PKM: variants seen among roughly 807,000 people sequenced by gnomAD.
PKM encodes the protein pyruvate kinase PKM.
PKM carries 18 observed loss-of-function variants against 49.8 expected under a neutral mutation model. That is an observed-to-expected ratio of 0.36 (90% CI 0.25 to 0.54). The LOEUF (loss-of-function observed/expected upper bound fraction) is 0.54, where lower values mean the gene tolerates loss of function less well. Among genes scored for constraint, PKM ranks in the 20% least tolerant of loss-of-function variants. PKM has a pLI of 0.89. For synonymous variants in PKM, 239 were observed against 261.8 expected (o/e 0.91, Z 0.84); for missense variants, 508 against 713.8 (o/e 0.71, Z 3.28).
In PKM at chr15:72,222,926, C is replaced by T. The variant is rs2082563136; in HGVS notation, c.-13-3816G>A. Among the ~76,000 whole-genome samples, 5 of 152,020 alleles carry T rather than the reference C, an allele frequency of 3.3e-5. No homozygotes were observed. In the South Asian group the frequency reaches 1.0e-3, roughly 32 times the overall value. ...GCTCCTGGCTTTTTATATTAGTTTC[C>T]TTTGTGTCAGACACAATTTTTTGGC... On this transcript the variant is annotated intron_variant, in intron 1 of 10. Coordinates refer to ENST00000335181, the MANE Select transcript of PKM (RefSeq NM_002654.6).
chr15:72,206,246 G>A (rs1421974179), intron 8 of PKM: 3 of 176,034 alleles, frequency 1.7e-5, no homozygotes, highest in South Asian at 1.2e-4. Flanking sequence ...GGCCCCCTGC[G>A]GGAGCGCCTG....
At chr15:72,217,157 G>T (rs575679862) in intron 3 of PKM, among the ~76,000 whole-genome samples, 1 of 152,316 alleles carries the variant, frequency 6.6e-6, no homozygotes, top group South Asian at 2.1e-4. Context: ...TAAAAGCTAA[G>T]GGTAGGAGAG....
chr15:72,229,595 TCTTC>T, intron 1 of PKM: 1 of 1,286,706 alleles, frequency 7.8e-7, no homozygotes, highest in Non-Finnish European at 1.0e-6. Context: ...CTTTCCTGCA[TCTTC>T]TAATCCAGTG....
intron 5 of PKM, chr15:72,209,416 T>TAC (rs2082176925): frequency 2.7e-4 from 2 of 7,542 alleles, no homozygotes; most frequent in African/African-American, 5.0e-4. Context: ...TATATATATA[T>TAC]ATATATATAT....
At chr15:72,229,624 T>G in intron 1 of PKM, 1 of 1,270,074 alleles carries the variant, frequency 7.9e-7, no homozygotes. Flanking sequence ...TGCCACCTGG[T>G]GAGACCTTAC....
intron 6 of PKM, among the ~76,000 whole-genome samples, 177 bp from the exon 7 acceptor site, chr15:72,207,454 C>A (rs2082115091): frequency 6.6e-6 from 1 of 152,180 alleles, no homozygotes; most frequent in Non-Finnish European, 1.5e-5. Context: ...CTTAGGCCCC[C>A]AGAGTGGGCC....
At chr15:72,221,226 G>A (rs1340984865) in intron 1 of PKM, 2 of 1,535,456 alleles carry the variant, frequency 1.3e-6, no homozygotes, top group East Asian at 2.4e-5. Flanking sequence ...GGCTCAGGGT[G>A]GCTCCTTGGC....
intron 2 of PKM, among the ~76,000 whole-genome samples, chr15:72,218,046 C>A (rs1287086505): frequency 6.6e-6 from 1 of 152,150 alleles, no homozygotes; most frequent in African/African-American, 2.4e-5. Context: ...GGTTAGTTAA[C>A]ATATCCATGA....
At chr15:72,228,266 T>C (rs1037878293) in intron 1 of PKM, among the ~76,000 whole-genome samples, 8 of 151,994 alleles carry the variant, frequency 5.3e-5, no homozygotes, top group Non-Finnish European at 7.4e-5. Flanking sequence ...GGAATGAAGC[T>C]GCACAGACGG....
Position 72,208,638 on chromosome 15 carries a change from A to G in PKM, c.819T>C (p.Asn273=), listed in dbSNP as rs753348430. ...KNIKIISKIE[N]HEGVRRFDEI... is the part of the protein sequence containing the mutation. Reference sequence around the variant, plus strand: ...GGACTTGCCTCCGAACCCCCTCATGATTCTCGATTTTGCTGATAATCTTGA... The same window carrying G: ...GGACTTGCCTCCGAACCCCCTCATGGTTCTCGATTTTGCTGATAATCTTGA... The change falls in exon 6 of 11, where the codon AAT becomes AAC. Residue 273 remains asparagine, a synonymous_variant. Coordinates refer to ENST00000335181, the MANE Select transcript of PKM (RefSeq NM_002654.6). 2.7e-5 allele frequency: 43 copies of G among 1,613,950 alleles called. 2 individuals carry two copies. In the South Asian group the frequency reaches 4.3e-4, roughly 16 times the overall value.
chr15:72,215,318 C>T (rs1383237883), intron 3 of PKM, among the ~76,000 whole-genome samples: 2 of 152,102 alleles, frequency 1.3e-5, no homozygotes, highest in East Asian at 1.9e-4. Context: ...TAGTCAGAAA[C>T]TGGAAAAGTA....
At chr15:72,205,315 G>A (rs911649015) in intron 8 of PKM, among the ~76,000 whole-genome samples, 11 of 152,126 alleles carry the variant, frequency 7.2e-5, no homozygotes, top group African/African-American at 2.7e-4. Context: ...AGTAGAGACA[G>A]GGTTTCACCA....
At position 72,208,872 on chromosome 15, in the gene PKM, C is replaced by T. The variant is rs1446817833; in HGVS notation, c.585G>A (p.Thr195=). ...CCAAGGAGCCACCATTTTCCACCTC[C>T]GTCACCAGGAAGTCGGCACCTGTAT... ...VKQKGADFLV[T]EVENGGSLGS... is the part of the protein sequence containing the mutation. Residue 195 remains threonine (T), a synonymous_variant, in exon 6 of 11, where the codon ACG becomes ACA. Coordinates refer to ENST00000335181, the MANE Select transcript of PKM (RefSeq NM_002654.6). The T allele has an allele frequency of 4.3e-6, 7 of 1,614,020 alleles. No individual in the cohort carries two copies. The highest frequency in any genetic ancestry group is 2.2e-5 in the South Asian group (2 of 91,058).
chr15:72,231,035 G>C (rs757899148), intron 1 of PKM, 81 bp downstream of exon 1: 1 of 1,104,850 alleles, frequency 9.1e-7, no homozygotes, highest in Admixed American at 2.4e-5. Context: ...GCCCGGGGCC[G>C]GCCGGCGCGC....
chr15:72,207,175 C>T lies in PKM; in HGVS notation c.939G>A (p.Met313Ile). Reference protein sequence around the residue: ...AEKVFLAQKMMIGRCNRAGKP... With the variant: ...AEKVFLAQKMIIGRCNRAGKP... Reference sequence around the variant, plus strand: ...TCCCAGCTCGGTTGCACCGTCCAATCATCATCTTCTGAGCAAGGAAGACCT... The same window carrying T: ...TCCCAGCTCGGTTGCACCGTCCAATTATCATCTTCTGAGCAAGGAAGACCT... Residue 313 changes from methionine (M) to isoleucine (I), a missense_variant, in exon 7 of 11, where the codon ATG (methionine) becomes ATA (isoleucine). Coordinates refer to ENST00000335181, the MANE Select transcript of PKM (RefSeq NM_002654.6). The T allele has an allele frequency of 6.2e-7, 1 of 1,614,182 alleles. No individual in the cohort carries two copies. The highest frequency in any genetic ancestry group is 8.5e-7 in the Non-Finnish European group (1 of 1,180,034).
chr15:72,209,569 T>G, intron 5 of PKM, 104 bp downstream of exon 5: 1 of 918,144 alleles, frequency 1.1e-6, no homozygotes, highest in Non-Finnish European at 1.8e-6. Flanking sequence ...ACACACAGAC[T>G]CAATCTCACT....
intron 1 of PKM, among the ~76,000 whole-genome samples, chr15:72,222,000 C>T (rs1310232429): frequency 6.6e-6 from 1 of 150,654 alleles, no homozygotes; most frequent in African/African-American, 2.4e-5. Context: ...ATCCAGCAAA[C>T]TAGTTTGTTC....
chr15:72,209,076 C>T (rs2082163426), intron 5 of PKM, 185 bp from the exon 6 acceptor site: 1 of 650,748 alleles, frequency 1.5e-6, no homozygotes, highest in Admixed American at 2.4e-5. Flanking sequence ...CTCTCTGTAC[C>T]TCACTTTCCT....
intron 1 of PKM, chr15:72,230,886 G>A: frequency 7.8e-7 from 1 of 1,278,040 alleles, no homozygotes; most frequent in South Asian, 1.2e-5. Flanking sequence ...CGGGAAAGGA[G>A]CCGGCGGACC....
Sources: gnomAD v4.1 joint callset for allele counts (sites outside exome capture counted in the v4.1 genomes callset) on GRCh38, gnomAD v4.1.1 for gene constraint, MANE v1.5 for transcripts, NCBI Gene and HGNC (gene_info 2026-07-23, HGNC 2026-07-21) for gene names.